NUP98: variants seen among roughly 807,000 people sequenced by gnomAD.
The protein encoded by NUP98 is nucleoporin 98 and 96 precursor.
In NUP98, 26 loss-of-function variants were observed where a neutral mutation model predicts 191.9. That is an observed-to-expected ratio of 0.14 (90% CI 0.10 to 0.19). The LOEUF (loss-of-function observed/expected upper bound fraction) is 0.19, where lower values mean the gene tolerates loss of function less well. Among genes scored for constraint, NUP98 ranks in the 10% least tolerant of loss-of-function variants. NUP98 has a pLI of 1.00. For synonymous variants in NUP98, 808 were observed against 778.4 expected (o/e 1.04, Z -0.63); for missense variants, 1,941 against 2,178.8 (o/e 0.89, Z 2.17).
chr11:3,769,640 G>T (rs943179877), intron 7 of NUP98, among the ~76,000 whole-genome samples: 2 of 150,442 alleles, frequency 1.3e-5, no homozygotes, highest in African/African-American at 4.9e-5. Context: ...TGAAAAGTAC[G>T]TTAGGCTGGA....
intron 28 of NUP98, among the ~76,000 whole-genome samples, chr11:3,688,728 G>A (rs1333651754): frequency 1.3e-5 from 2 of 149,928 alleles, no homozygotes; most frequent in African/African-American, 4.9e-5. Context: ...CTGGAAGGCA[G>A]AGGTTGCAGT....
chr11:3,713,803 G>T lies in NUP98; in HGVS notation c.2577+15C>A, dbSNP rs776649872. On this transcript the variant is annotated intron_variant, in intron 19 of 32. Transcript: ENST00000324932. ...TATAGTTTATAAAAGTCTGAACTGG[G>T]TTAAATGACTATACCTTAAACACCC... 2.5e-6 allele frequency: 4 copies of T among 1,606,908 alleles called. No homozygotes were observed. In the African/African-American group the frequency reaches 5.4e-5, roughly 22 times the overall value.
chr11:3,691,443 T>A lies in NUP98; in HGVS notation c.4358A>T (p.Tyr1453Phe). Residue 1453 changes from tyrosine (Y) to phenylalanine (F), a missense_variant, in exon 28 of 33, where the codon TAT (tyrosine) becomes TTT (phenylalanine). By Grantham distance (22) the Tyr-to-Phe change is conservative. Around this residue, in one of 6 missense-constraint regions of NUP98, gnomAD observed 1,030 missense variants for 1,115.8 expected, o/e 0.92. Coordinates refer to ENST00000324932, the MANE Select transcript of NUP98 (RefSeq NM_016320.5). ...DRYACSPLPS[Y>F]LEGSGCVIAE... ...TATCACACAGCCAGAACCCTCCAGA[T>A]ACGAAGGAAGTGGGGAGCAGGCATA... is the stretch of plus-strand genomic sequence containing the variant. 6.2e-7 allele frequency: 1 copy of A among 1,614,180 alleles called. No homozygotes were observed. Among genetic ancestry groups the A allele is most frequent in the Non-Finnish European group, 8.5e-7 (1 of 1,180,024 alleles).
At chr11:3,797,119 T>C (rs2082675532) in intron 1 of NUP98, among the ~76,000 whole-genome samples, 1 of 152,210 alleles carries the variant, frequency 6.6e-6, no homozygotes, top group Admixed American at 6.5e-5. Flanking sequence ...ACTGAATGAA[T>C]GAGTACAACC....
chr11:3,767,306 G>C (rs1307040501), intron 8 of NUP98, among the ~76,000 whole-genome samples: 1 of 151,650 alleles, frequency 6.6e-6, no homozygotes, highest in Admixed American at 6.6e-5. Context: ...GTATTTTGAA[G>C]ACATGGCGGT....
At chr11:3,714,867 T>C (rs577565931) in intron 18 of NUP98, 6 of 152,250 alleles carry the variant, frequency 3.9e-5, no homozygotes, top group African/African-American at 9.7e-5. Flanking sequence ...TGCATGTATA[T>C]ACCACATTTT....
intron 1 of NUP98, among the ~76,000 whole-genome samples, chr11:3,787,569 T>C (rs2082186228): frequency 6.6e-6 from 1 of 151,520 alleles, no homozygotes; most frequent in Admixed American, 6.6e-5. Flanking sequence ...CAAGACGCTG[T>C]CTCAAACAAA....
At chr11:3,757,127 ATATC>A (rs1271569752) in intron 10 of NUP98, among the ~76,000 whole-genome samples, 1 of 107,440 alleles carries the variant, frequency 9.3e-6, no homozygotes, top group Non-Finnish European at 1.8e-5. Context: ...ATCTATATCT[ATATC>A]TATATGTGTA....
chr11:3,681,996 T>C (rs1158869472), intron 30 of NUP98, among the ~76,000 whole-genome samples: 2 of 152,264 alleles, frequency 1.3e-5, no homozygotes, highest in African/African-American at 4.8e-5. Context: ...GGTAACTTGC[T>C]GTACCTTCTC....
Position 3,763,013 on chromosome 11 carries a change from T to C in NUP98, c.975A>G (p.Ser325=), listed in dbSNP as rs1347202956. The change falls in exon 9 of 33, where the codon TCA becomes TCG. Residue 325 remains serine, a synonymous_variant. Coordinates refer to ENST00000324932, the MANE Select transcript of NUP98 (RefSeq NM_016320.5). ...TMGLFGVTQA[S]QPGGLFGTAT... is the part of the protein sequence containing the mutation. Reference sequence around the variant, plus strand: ...CTGTCCCAAAAAGACCTCCAGGCTGTGAGGCTTGGGTTACTCCAAATAATC... The same window carrying C: ...CTGTCCCAAAAAGACCTCCAGGCTGCGAGGCTTGGGTTACTCCAAATAATC... 5.6e-6 allele frequency: 9 copies of C among 1,614,130 alleles called. No homozygotes were observed. Among genetic ancestry groups the C allele is most frequent in the Non-Finnish European group, 7.6e-6 (9 of 1,180,002 alleles).
chr11:3,770,744 G>A (rs2081503625), intron 7 of NUP98, among the ~76,000 whole-genome samples: 1 of 152,102 alleles, frequency 6.6e-6, no homozygotes, highest in Non-Finnish European at 1.5e-5. Flanking sequence ...TGCAAAAGTA[G>A]TATTTTTGTC....
At chr11:3,726,786 CT>C (rs906463691) in intron 14 of NUP98, among the ~76,000 whole-genome samples, 331 of 144,280 alleles carry the variant, frequency 2.3e-3, no homozygotes, top group South Asian at 2.6e-3. Context: ...ACTTTTCTTT[CT>C]TTTTTTTTTT....
intron 1 of NUP98, among the ~76,000 whole-genome samples, chr11:3,791,831 GACT>G (rs1177000048): frequency 7.3e-6 from 1 of 136,478 alleles, no homozygotes; most frequent in East Asian, 2.1e-4. Flanking sequence ...GACAGAGTGA[GACT>G]ACATCTAAAA....
intron 8 of NUP98, among the ~76,000 whole-genome samples, chr11:3,764,424 A>T (rs758776676): frequency 6.6e-6 from 1 of 152,132 alleles, no homozygotes; most frequent in African/African-American, 2.4e-5. Context: ...GTACAAGTCT[A>T]TGTCTTATTT....
chr11:3,757,937 T>C (rs1242423134), intron 10 of NUP98, among the ~76,000 whole-genome samples: 1 of 152,126 alleles, frequency 6.6e-6, no homozygotes, highest in Non-Finnish European at 1.5e-5. Context: ...ATTATGATAG[T>C]TTGTGGCCCT....
intron 7 of NUP98, among the ~76,000 whole-genome samples, chr11:3,771,200 T>C (rs1000399259): frequency 2.6e-5 from 4 of 152,294 alleles, no homozygotes; most frequent in Non-Finnish European, 5.9e-5. Flanking sequence ...ACACCTCTTA[T>C]GTTGATAATA....
chr11:3,770,319 C>T (rs1016044530), intron 7 of NUP98, among the ~76,000 whole-genome samples: 3 of 151,940 alleles, frequency 2.0e-5, no homozygotes, highest in East Asian at 1.9e-4. Context: ...AGTGAGACTC[C>T]GTCTCAAAAA....
At chr11:3,743,297 G>C (rs568088398) in intron 12 of NUP98, among the ~76,000 whole-genome samples, 97 of 151,002 alleles carry the variant, frequency 6.4e-4, no homozygotes, top group South Asian at 2.7e-3. Flanking sequence ...GATTATAGGC[G>C]TGGGCCACCA....
intron 22 of NUP98, 133 bp from the exon 23 acceptor site, chr11:3,703,025 G>A (rs1460702323): frequency 2.7e-6 from 2 of 739,220 alleles, no homozygotes; most frequent in Non-Finnish European, 4.3e-6. Flanking sequence ...AGATGTGGAT[G>A]ACCAGAAGCA....
Sources: allele counts gnomAD v4.1 joint callset (sites outside exome capture counted in the v4.1 genomes callset), GRCh38; gene constraint gnomAD v4.1.1; regional missense constraint gnomAD v4.1.1; transcripts MANE v1.5; gene names NCBI Gene and HGNC (gene_info 2026-07-23, HGNC 2026-07-21).